Variants in PAK2 observed in about 807,000 individuals in gnomAD.
PAK2 encodes the protein serine/threonine-protein kinase PAK 2.
In PAK2, 21 loss-of-function variants were observed where a neutral mutation model predicts 65.9. The observed-to-expected ratio is 0.32, with a 90% confidence interval of 0.23 to 0.46. The LOEUF (loss-of-function observed/expected upper bound fraction) is 0.46, where lower values mean the gene tolerates loss of function less well. Among genes scored for constraint, PAK2 ranks in the 20% least tolerant of loss-of-function variants. The pLI, the probability that PAK2 is intolerant of heterozygous loss-of-function variation, is 1.00. For missense variants in PAK2, 324 were observed against 642.6 expected, an observed-to-expected ratio of 0.50 and a Z score of 5.36; for synonymous variants, 204 against 219.7, an observed-to-expected ratio of 0.93 and a Z score of 0.63.
intron 1 of PAK2, among the ~76,000 whole-genome samples, chr3:196,772,844 G>T (rs1714402101): frequency 1.3e-5 from 2 of 152,162 alleles, no homozygotes; most frequent in Admixed American, 1.3e-4. Flanking sequence ...TGATTAATTA[G>T]TGTTACTGCA....
intron 10 of PAK2, among the ~76,000 whole-genome samples, chr3:196,813,372 T>C (rs7430831): frequency 0.58 from 87,085 of 149,524 alleles, 26,962 homozygotes; most frequent in African/African-American, 0.81. Flanking sequence ...GCAGGAGAAT[T>C]GCTTGAACCC....
chr3:196,792,325 G>A (rs928376450), intron 2 of PAK2, among the ~76,000 whole-genome samples: 14 of 152,200 alleles, frequency 9.2e-5, no homozygotes, highest in African/African-American at 3.4e-4. Flanking sequence ...AGAAGCCAAG[G>A]GACATAAAGA....
At chr3:196,775,538 A>G (rs533190248) in intron 1 of PAK2, among the ~76,000 whole-genome samples, 1 of 152,078 alleles carries the variant, frequency 6.6e-6, no homozygotes, top group East Asian at 1.9e-4. Context: ...GCCCACCACC[A>G]CAACCGGCTA....
chr3:196,754,826 A>G (rs1713717327), intron 1 of PAK2, among the ~76,000 whole-genome samples: 1 of 152,222 alleles, frequency 6.6e-6, no homozygotes, highest in Non-Finnish European at 1.5e-5. Flanking sequence ...GAGATCACAG[A>G]AGATAAGGAA....
intron 13 of PAK2, among the ~76,000 whole-genome samples, chr3:196,821,659 G>A (rs537692229): frequency 5.2e-4 from 79 of 152,292 alleles, no homozygotes; most frequent in Admixed American, 1.2e-3. Flanking sequence ...CTCCAGCCTG[G>A]TCGACAAAGC....
chr3:196,801,895 G>T, intron 2 of PAK2, 32 bp from the exon 3 acceptor site: 1 of 1,108,440 alleles, frequency 9.0e-7, no homozygotes, highest in Non-Finnish European at 1.4e-6. Flanking sequence ...TAAATAGGCT[G>T]ATTCTTTCTC....
intron 1 of PAK2, among the ~76,000 whole-genome samples, chr3:196,749,566 C>T (rs562725625): frequency 6.6e-6 from 1 of 152,236 alleles, no homozygotes; most frequent in African/African-American, 2.4e-5. Context: ...TTCAAGTGCT[C>T]ATGTGTAGGT....
At chr3:196,792,803 A>AAT (rs1170259714) in intron 2 of PAK2, among the ~76,000 whole-genome samples, 4 of 150,536 alleles carry the variant, frequency 2.7e-5, no homozygotes, top group Non-Finnish European at 5.9e-5. Context: ...TGACAGAAAA[A>AAT]AATATATATA....
intron 11 of PAK2, among the ~76,000 whole-genome samples, chr3:196,815,743 T>C (rs1008198314): frequency 6.0e-5 from 9 of 151,178 alleles, no homozygotes; most frequent in East Asian, 1.9e-4. Flanking sequence ...GCCGAGATCG[T>C]GCCACTGCAT....
At chr3:196,751,341 C>T (rs925577245) in intron 1 of PAK2, among the ~76,000 whole-genome samples, 2 of 151,958 alleles carry the variant, frequency 1.3e-5, no homozygotes, top group Non-Finnish European at 2.9e-5. Context: ...AACCATGTTT[C>T]GTGCACAAAA....
intron 1 of PAK2, among the ~76,000 whole-genome samples, chr3:196,755,765 T>C (rs1331647086): frequency 6.7e-6 from 1 of 150,168 alleles, no homozygotes; most frequent in Non-Finnish European, 1.5e-5. Context: ...GACTTCTTCT[T>C]TTTTTTTTTG....
intron 1 of PAK2, among the ~76,000 whole-genome samples, chr3:196,776,664 C>T (rs769425752): frequency 1.3e-5 from 2 of 152,110 alleles, no homozygotes; most frequent in South Asian, 2.1e-4. Flanking sequence ...TACTGCATAA[C>T]GAGATGTGTC....
chr3:196,827,727 A>G (rs754508694), intron 14 of PAK2, among the ~76,000 whole-genome samples: 3 of 152,154 alleles, frequency 2.0e-5, no homozygotes, highest in Non-Finnish European at 4.4e-5. Flanking sequence ...CGTTGTGCGC[A>G]TGTACCCTAG....
intron 1 of PAK2, among the ~76,000 whole-genome samples, chr3:196,750,061 A>G (rs1713522463): frequency 6.7e-6 from 1 of 148,774 alleles, no homozygotes; most frequent in South Asian, 2.1e-4. Flanking sequence ...ATCTGGGCTC[A>G]CTGCAACCTC....
At chr3:196,780,376 C>T (rs913367439) in intron 1 of PAK2, among the ~76,000 whole-genome samples, 1 of 152,200 alleles carries the variant, frequency 6.6e-6, no homozygotes, top group Admixed American at 6.5e-5. Context: ...GGAAGCCTCA[C>T]AATCATGGCG....
intron 2 of PAK2, among the ~76,000 whole-genome samples, chr3:196,799,059 A>T (rs528318441): frequency 1.6e-4 from 24 of 152,214 alleles, no homozygotes; most frequent in East Asian, 3.9e-4. Context: ...GCAAAAAAAA[A>T]TTTTTTTTAA....
rs1207291432 is a variant in PAK2 at position 196,832,256 on chromosome 3, G to A, written c.*3851G>A. On this transcript the variant is annotated 3_prime_UTR_variant, in exon 15 of 15. Coordinates refer to ENST00000327134, the MANE Select transcript of PAK2 (RefSeq NM_002577.4). ...GTAATAAGAGAAACAGTTACGTGTG[G>A]AATTCAACATCTTTGGTTGGAACGC... The A allele has an allele frequency of 6.6e-6, 1 of 152,120 alleles. No individual in the cohort carries two copies. Among genetic ancestry groups the A allele is most frequent in the Non-Finnish European group, 1.5e-5 (1 of 68,010 alleles). The allele number at this position is 152,120 out of a possible 1,614,324, so 9.4% of individuals were successfully genotyped here.
At chr3:196,750,493 G>A (rs1056642647) in intron 1 of PAK2, among the ~76,000 whole-genome samples, 1 of 152,014 alleles carries the variant, frequency 6.6e-6, no homozygotes, top group African/African-American at 2.4e-5. Flanking sequence ...TCTTCATTAT[G>A]AATTGTACCT....
In PAK2 at chr3:196,740,081, G is replaced by C. The variant is rs1239458174; in HGVS notation, c.-98G>C. 6.6e-6 allele frequency: 1 copy of C among 151,470 alleles called. No individual in the cohort carries two copies. The highest frequency in any genetic ancestry group is 6.6e-5 in the Admixed American group (1 of 15,250). The allele number at this position is 151,470 out of a possible 1,614,324, so 9.4% of individuals were successfully genotyped here. A position where few individuals can be genotyped will look rare whatever the true frequency, so the allele number is the denominator to read the frequency against. The stretch of plus-strand genomic sequence containing the variant: ...CCTCCCCTCCCCGCACCGCGCGCTA[G>C]CCCGGGGCGGCTCCGCAGCCCGCCG... On this transcript the variant is annotated 5_prime_UTR_variant, in exon 1 of 15. Coordinates refer to ENST00000327134, the MANE Select transcript of PAK2 (RefSeq NM_002577.4).
Sources: allele counts gnomAD v4.1 joint callset (sites outside exome capture counted in the v4.1 genomes callset), GRCh38; gene constraint gnomAD v4.1.1; transcripts MANE v1.5; gene names NCBI Gene and HGNC (gene_info 2026-07-23, HGNC 2026-07-21).